PDE1C: variants seen among roughly 807,000 people sequenced by gnomAD.
The protein encoded by PDE1C is phosphodiesterase 1C, also known as dual specificity calcium/calmodulin-dependent 3',5'-cyclic nucleotide phosphodiesterase 1C.
Under a neutral mutation model 93.1 loss-of-function variants are expected in PDE1C, and 62 were observed. The ratio of observed to expected loss-of-function variants is 0.67; its 90% CI spans 0.54 to 0.82. PDE1C has a LOEUF of 0.82. PDE1C is among the 40% of genes least tolerant of loss of function. The probability of loss-of-function intolerance (pLI) is 0.00; values close to 1 mark genes in which losing one functional copy is unlikely to be tolerated. For missense variants in PDE1C, 742 were observed against 884.6 expected (o/e 0.84, Z 2.04); for synonymous variants, 325 against 310.1 (o/e 1.05, Z -0.50).
At chr7:31,879,621 T>C (rs566322905) in intron 3 of PDE1C, among the ~76,000 whole-genome samples, 1 of 152,374 alleles carries the variant, frequency 6.6e-6, no homozygotes, top group Admixed American at 6.5e-5. Context: ...TCTGAAGTAG[T>C]GATCCTAAGT....
the PDE1C span, among the ~76,000 whole-genome samples, chr7:31,685,418 G>T: frequency 6.6e-6 from 1 of 152,158 alleles, no homozygotes. Flanking sequence ...AACTGCTTAC[G>T]TATAGGAGAT....
chr7:31,738,323 G>A, the PDE1C span, among the ~76,000 whole-genome samples: 1 of 152,166 alleles, frequency 6.6e-6, no homozygotes, highest in Non-Finnish European at 1.5e-5. Flanking sequence ...TGGGTGGGGA[G>A]GCCTCACAAT....
At chr7:32,425,935 C>G (rs1002960097) in intron 1 of PDE1C, among the ~76,000 whole-genome samples, 2 of 151,506 alleles carry the variant, frequency 1.3e-5, no homozygotes, top group African/African-American at 2.4e-5. Flanking sequence ...AGAGCAAGAC[C>G]CTGTCTCAAA....
At chr7:32,267,957 C>T (rs1236898167) in intron 1 of PDE1C, among the ~76,000 whole-genome samples, 5 of 152,148 alleles carry the variant, frequency 3.3e-5, no homozygotes, top group Non-Finnish European at 1.5e-5. Context: ...TTAATGAGGA[C>T]GACTGTGCTG....
chr7:32,088,326 A>G (rs1443963355), intron 3 of PDE1C, among the ~76,000 whole-genome samples: 2 of 152,216 alleles, frequency 1.3e-5, no homozygotes, highest in East Asian at 3.8e-4. Flanking sequence ...TTAAGAGTTT[A>G]TCAGAGTTTG....
At chr7:32,140,953 C>G (rs1383166477) in intron 3 of PDE1C, among the ~76,000 whole-genome samples, 3 of 152,232 alleles carry the variant, frequency 2.0e-5, no homozygotes, top group Non-Finnish European at 4.4e-5. Flanking sequence ...GACTCTCTCT[C>G]TTACCTGTGG....
intron 1 of PDE1C, among the ~76,000 whole-genome samples, chr7:32,333,753 T>C (rs1460125768): frequency 6.6e-6 from 1 of 152,226 alleles, no homozygotes; most frequent in Non-Finnish European, 1.5e-5. Flanking sequence ...GCAAAGTGCC[T>C]GGTATATACT....
intron 2 of PDE1C, among the ~76,000 whole-genome samples, chr7:31,907,123 T>C (rs1800703240): frequency 2.0e-5 from 3 of 151,412 alleles, no homozygotes. Context: ...CCAGAACTAA[T>C]TTCAGATGAT....
intron 6 of PDE1C, among the ~76,000 whole-genome samples, chr7:31,870,919 G>A (rs942411678): frequency 4.0e-5 from 6 of 151,310 alleles, no homozygotes; most frequent in African/African-American, 1.5e-4. Context: ...GTATAAAATA[G>A]TATTTTATGG....
chr7:32,049,387 TTTG>T (rs750863678), intron 2 of PDE1C, among the ~76,000 whole-genome samples: 14 of 152,234 alleles, frequency 9.2e-5, no homozygotes, highest in Admixed American at 4.6e-4. Flanking sequence ...CCCACTTTAT[TTTG>T]TTGTTGTTGT....
intron 2 of PDE1C, among the ~76,000 whole-genome samples, chr7:32,030,028 T>C (rs30567): frequency 0.69 from 103,980 of 150,778 alleles, 36,253 homozygotes; most frequent in East Asian, 0.79. Context: ...TAGAAAAATA[T>C]CCAAGCTACG....
intron 2 of PDE1C, among the ~76,000 whole-genome samples, chr7:32,193,252 G>A (rs540948206): frequency 9.9e-5 from 15 of 152,026 alleles, no homozygotes; most frequent in Admixed American, 5.2e-4. Flanking sequence ...AAAAGCATCC[G>A]TTTTTGCCCT....
At chr7:32,376,058 G>A (rs1784427154) in intron 1 of PDE1C, among the ~76,000 whole-genome samples, 2 of 152,156 alleles carry the variant, frequency 1.3e-5, no homozygotes, top group Non-Finnish European at 2.9e-5. Flanking sequence ...TCAGGAGGCT[G>A]AGGGAGGAGA....
chr7:32,328,295 C>A (rs924422088), intron 1 of PDE1C, among the ~76,000 whole-genome samples: 2 of 152,242 alleles, frequency 1.3e-5, no homozygotes, highest in African/African-American at 4.8e-5. Flanking sequence ...TTCAGTCTCC[C>A]TGCTTCCACT....
intron 1 of PDE1C, among the ~76,000 whole-genome samples, chr7:32,372,977 T>G (rs1031875689): frequency 6.6e-6 from 1 of 152,228 alleles, no homozygotes; most frequent in Non-Finnish European, 1.5e-5. Context: ...TAGGAGAAGA[T>G]GTGGAAAAAT....
At chr7:31,859,702 C>G (rs1156808834) in intron 7 of PDE1C, among the ~76,000 whole-genome samples, 1 of 151,960 alleles carries the variant, frequency 6.6e-6, no homozygotes, top group African/African-American at 2.4e-5. Flanking sequence ...ACAAAAACTT[C>G]AAACAATACA....
At chr7:32,362,315 G>T (rs1585125927) in intron 1 of PDE1C, among the ~76,000 whole-genome samples, 1 of 151,946 alleles carries the variant, frequency 6.6e-6, no homozygotes, top group African/African-American at 2.4e-5. Context: ...TTCTTCAGGG[G>T]GTGTCCTAGG....
intron 3 of PDE1C, among the ~76,000 whole-genome samples, chr7:32,162,329 G>A (rs1354409308): frequency 3.9e-5 from 6 of 152,108 alleles, no homozygotes; most frequent in African/African-American, 1.4e-4. Flanking sequence ...TTGGAGCTAT[G>A]CCCCCCGTGC....
intron 1 of PDE1C, among the ~76,000 whole-genome samples, chr7:32,362,457 G>A (rs1784154289): frequency 6.6e-6 from 1 of 152,146 alleles, no homozygotes; most frequent in African/African-American, 2.4e-5. Context: ...TCAGTCACCA[G>A]GAGCAAAATA....
Sources: gnomAD v4.1 joint callset for allele counts (sites outside exome capture counted in the v4.1 genomes callset) on GRCh38, gnomAD v4.1.1 for gene constraint, MANE v1.5 for transcripts, NCBI Gene and HGNC (gene_info 2026-07-23, HGNC 2026-07-21) for gene names.